The following ARID5B variants were observed in gnomAD, a reference collection of about 807,000 sequenced individuals.
ARID5B encodes the protein AT-rich interaction domain 5B.
ARID5B carries 13 observed loss-of-function variants against 97.2 expected under a neutral mutation model. The ratio of observed to expected loss-of-function variants is 0.13; its 90% CI spans 0.09 to 0.21. ARID5B has a LOEUF of 0.21. Among genes scored for constraint, ARID5B ranks in the 10% least tolerant of loss-of-function variants. ARID5B has a pLI of 1.00. For synonymous variants in ARID5B, 556 were observed against 570.3 expected (o/e 0.97, Z 0.36); for missense variants, 1,210 against 1,465.3 (o/e 0.83, Z 2.84).
chr10:62,035,443 G>C (rs1239613078), intron 4 of ARID5B, among the ~76,000 whole-genome samples: 1 of 152,160 alleles, frequency 6.6e-6, no homozygotes, highest in Non-Finnish European at 1.5e-5. Flanking sequence ...TCAGTACAGG[G>C]TGCCAGGTGC....
chr10:61,979,482 C>T (rs1375751309), intron 3 of ARID5B, among the ~76,000 whole-genome samples: 3 of 152,168 alleles, frequency 2.0e-5, no homozygotes, highest in Non-Finnish European at 4.4e-5. Flanking sequence ...CATGCAAACA[C>T]TAACGTCATC....
chr10:62,056,010 A>G (rs896430595), intron 5 of ARID5B, among the ~76,000 whole-genome samples: 2 of 152,194 alleles, frequency 1.3e-5, no homozygotes, highest in Non-Finnish European at 1.5e-5. Flanking sequence ...GATGTAAAGA[A>G]TATTGGAATG....
At position 62,093,303 on chromosome 10, in the gene ARID5B, A is replaced by C. The variant is rs1840414491; in HGVS notation, c.*273A>C. 2.7e-6 allele frequency: 1 copy of C among 365,462 alleles called. No individual in the cohort carries two copies. The highest frequency in any genetic ancestry group is 4.9e-6 in the Non-Finnish European group (1 of 204,218). The allele number at this position is 365,462 out of a possible 1,614,324, so 22.6% of individuals were successfully genotyped here. The stretch of plus-strand genomic sequence containing the variant: ...TTCACTTCGCACGTGGGCCTTGTGA[A>C]GGGATTTGTGAATATCCAGGAAGAA... On this transcript the variant is annotated 3_prime_UTR_variant, in exon 10 of 10. Transcript: ENST00000279873.
At chr10:62,052,474 A>G (rs1839802893) in intron 5 of ARID5B, among the ~76,000 whole-genome samples, 1 of 152,196 alleles carries the variant, frequency 6.6e-6, no homozygotes, top group Non-Finnish European at 1.5e-5. Context: ...TTCTTGGTTG[A>G]CAGCATTTGT....
At chr10:61,971,502 C>A (rs1053192890) in intron 3 of ARID5B, among the ~76,000 whole-genome samples, 1 of 152,166 alleles carries the variant, frequency 6.6e-6, no homozygotes, top group Admixed American at 6.5e-5. Flanking sequence ...TATGTGTTAT[C>A]CGATGGAAAT....
intron 2 of ARID5B, among the ~76,000 whole-genome samples, chr10:61,922,428 C>G (rs763112577): frequency 6.6e-6 from 1 of 152,172 alleles, no homozygotes. Flanking sequence ...CATGATGAAA[C>G]CCTGTCTGTA....
chr10:62,042,513 A>T (rs76027217), intron 4 of ARID5B, among the ~76,000 whole-genome samples: 3,864 of 152,132 alleles, frequency 0.025, 58 homozygotes, highest in Middle Eastern at 0.041. Context: ...GAGAAAACAG[A>T]CCCTTTGCGT....
chr10:62,023,009 A>T (rs78565397), intron 4 of ARID5B, among the ~76,000 whole-genome samples: 1 of 152,166 alleles, frequency 6.6e-6, no homozygotes, highest in African/African-American at 2.4e-5. Context: ...TCAAAGAAAC[A>T]TATCTCTGTG....
chr10:61,997,444 A>G (rs1159329072), intron 3 of ARID5B, among the ~76,000 whole-genome samples: 3 of 152,174 alleles, frequency 2.0e-5, no homozygotes, highest in African/African-American at 7.2e-5. Context: ...CCAAGAGTCC[A>G]GGTGACATCT....
chr10:62,019,956 G>C (rs1342855605), intron 4 of ARID5B, among the ~76,000 whole-genome samples: 1 of 152,172 alleles, frequency 6.6e-6, no homozygotes, highest in Non-Finnish European at 1.5e-5. Flanking sequence ...TTCCTAGGCA[G>C]TGAGTCTTCT....
chr10:62,092,023 T>A lies in ARID5B; in HGVS notation c.2560T>A (p.Ser854Thr). The change falls in exon 10 of 10, where the codon TCC (serine) becomes ACC (threonine). Residue 854 changes from serine (S) to threonine (T), a missense_variant. Ser to Thr is a moderately conservative substitution (Grantham distance 58). Around this residue, in one of 8 missense-constraint regions of ARID5B, gnomAD observed 800 missense variants for 839.1 expected, o/e 0.95. Transcript: ENST00000279873. ...GCACCATCTTCATAATGAACAGACA[T>A]CCAAATACCCTTCCAGGGACATGTA... ...TEHHLHNEQT[S>T]KYPSRDMYRE... 6.2e-7 allele frequency: 1 copy of A among 1,613,944 alleles called. No homozygotes were observed. The highest frequency in any genetic ancestry group is 1.3e-5 in the African/African-American group (1 of 74,956).
At chr10:61,915,986 C>T (rs1164226778) in intron 2 of ARID5B, among the ~76,000 whole-genome samples, 1 of 152,132 alleles carries the variant, frequency 6.6e-6, no homozygotes, top group Non-Finnish European at 1.5e-5. Flanking sequence ...GAACTCCTGA[C>T]CTCAAGCAGT....
At chr10:62,029,533 C>T (rs1029441023) in intron 4 of ARID5B, among the ~76,000 whole-genome samples, 1 of 152,202 alleles carries the variant, frequency 6.6e-6, no homozygotes, top group African/African-American at 2.4e-5. Flanking sequence ...GTAGCTAGTG[C>T]TTATATACTA....
rs1564651723 is a variant in ARID5B at position 62,093,059 on chromosome 10, G to A, written c.*29G>A. 1.3e-6 allele frequency: 2 copies of A among 1,574,690 alleles called. No homozygotes were observed. The highest frequency in any genetic ancestry group is 1.2e-5 in the South Asian group (1 of 85,324). On this transcript the variant is annotated 3_prime_UTR_variant, in exon 10 of 10. Coordinates refer to ENST00000279873, the MANE Select transcript of ARID5B (RefSeq NM_032199.3). ...CAGCTCTGCCCAGCAGTCCAAAGCG[G>A]CATGGCCAACAGAGCTTCACTCCTT...
chr10:62,049,748 G>C (rs1017477518), intron 4 of ARID5B, among the ~76,000 whole-genome samples: 1 of 152,168 alleles, frequency 6.6e-6, no homozygotes, highest in Non-Finnish European at 1.5e-5. Flanking sequence ...AGGATTAATT[G>C]TGTTTGTAAA....
At chr10:62,023,453 T>C (rs1391090529) in intron 4 of ARID5B, among the ~76,000 whole-genome samples, 1 of 152,204 alleles carries the variant, frequency 6.6e-6, no homozygotes, top group East Asian at 1.9e-4. Context: ...AAATCCTATA[T>C]TTATGCACAT....
intron 2 of ARID5B, among the ~76,000 whole-genome samples, chr10:61,938,964 A>AGTGTGTGTGTGTGTGTGTGT (rs60329829): frequency 5.6e-5 from 7 of 125,152 alleles, no homozygotes; most frequent in South Asian, 2.8e-4. Context: ...GAATTGGAGA[A>AGTGTGTGTGTGTGTGTGTGT]GTGTGTGTGT....
intron 4 of ARID5B, among the ~76,000 whole-genome samples, chr10:62,035,569 C>T (rs190293146): frequency 6.6e-6 from 1 of 152,128 alleles, no homozygotes; most frequent in African/African-American, 2.4e-5. Context: ...TAGCTCACTG[C>T]AACCTCCACC....
At chr10:61,924,628 T>A (rs1182287902) in intron 2 of ARID5B, among the ~76,000 whole-genome samples, 1 of 152,220 alleles carries the variant, frequency 6.6e-6, no homozygotes, top group East Asian at 1.9e-4. Context: ...CTAAATCATA[T>A]GTTTATGTTT....
Sources: gnomAD v4.1 joint callset for allele counts (sites outside exome capture counted in the v4.1 genomes callset) on GRCh38, gnomAD v4.1.1 for gene constraint, gnomAD v4.1.1 regional missense constraint, MANE v1.5 for transcripts, NCBI Gene and HGNC (gene_info 2026-07-23, HGNC 2026-07-21) for gene names.